Variants in PSMD1 observed in about 807,000 individuals in gnomAD.
PSMD1 encodes proteasome 26S subunit, non-ATPase 1.
Under a neutral mutation model 119.0 loss-of-function variants are expected in PSMD1, and 18 were observed. That is an observed-to-expected ratio of 0.15 (90% CI 0.10 to 0.22). The LOEUF (loss-of-function observed/expected upper bound fraction) is 0.22. Ranked by LOEUF, PSMD1 falls within the 10% of genes least tolerant of loss-of-function variation. The pLI is 1.00. For missense variants in PSMD1, 702 were observed against 1,158.5 expected (o/e 0.61, Z 5.72); for synonymous variants, 374 against 396.6 (o/e 0.94, Z 0.68).
intron 1 of PSMD1, 135 bp from the exon 2 acceptor site, chr2:231,061,132 A>G: frequency 1.7e-6 from 1 of 596,692 alleles, no homozygotes; most frequent in Non-Finnish European, 3.0e-6. Context: ...ACTTTCAAAG[A>G]AAAATAATCA....
chr2:231,139,130 T>C (rs1234150897), intron 17 of PSMD1: 8 of 434,716 alleles, frequency 1.8e-5, no homozygotes, highest in Non-Finnish European at 3.4e-5. Flanking sequence ...TTTTGTTTTT[T>C]TTGTTTGTTT....
At chr2:231,138,178 G>A (rs1696016316) in intron 16 of PSMD1, among the ~76,000 whole-genome samples, 1 of 152,176 alleles carries the variant, frequency 6.6e-6, no homozygotes, top group Admixed American at 6.5e-5. Flanking sequence ...TGCAAATATG[G>A]AGAGAATGAA....
intron 18 of PSMD1, 75 bp downstream of exon 18, chr2:231,146,431 CG>C (rs1696254913): frequency 1.8e-6 from 2 of 1,123,540 alleles, no homozygotes; most frequent in Admixed American, 3.8e-5. Flanking sequence ...CTTTTGAGGA[CG>C]TTTTTTAGTT....
intron 17 of PSMD1, among the ~76,000 whole-genome samples, chr2:231,143,181 C>G (rs555302835): frequency 6.9e-6 from 1 of 144,552 alleles, no homozygotes; most frequent in African/African-American, 2.6e-5. Flanking sequence ...ATTAAAGGAA[C>G]GTTGTGGGTT....
At chr2:231,162,465 A>G (rs945851037) in intron 20 of PSMD1, among the ~76,000 whole-genome samples, 1 of 152,222 alleles carries the variant, frequency 6.6e-6, no homozygotes, top group African/African-American at 2.4e-5. Context: ...CTTTATTGTC[A>G]GAACAAGAAT....
At chr2:231,107,026 G>A (rs1694994001) in intron 16 of PSMD1, among the ~76,000 whole-genome samples, 1 of 152,072 alleles carries the variant, frequency 6.6e-6, no homozygotes, top group South Asian at 2.1e-4. Context: ...TTTAAGGAAT[G>A]TAAATTATTT....
chr2:231,161,565 T>C, intron 20 of PSMD1, 56 bp downstream of exon 20: 2 of 1,484,192 alleles, frequency 1.3e-6, no homozygotes, highest in South Asian at 2.5e-5. Flanking sequence ...ATCTTATTCA[T>C]ATTTACCGCC....
At chr2:231,075,440 A>G (rs1559220354) in intron 7 of PSMD1, 71 bp from the exon 8 acceptor site, 4 of 1,309,828 alleles carry the variant, frequency 3.1e-6, no homozygotes, top group Admixed American at 4.3e-5. Flanking sequence ...CAATTTGGAC[A>G]TGGTTCAGAT....
chr2:231,151,648 C>G (rs1696378291), intron 18 of PSMD1, among the ~76,000 whole-genome samples: 2 of 151,784 alleles, frequency 1.3e-5, no homozygotes, highest in African/African-American at 4.8e-5. Context: ...GTGCTTTGTT[C>G]TATGTTTCTT....
At position 231,158,923 on chromosome 2, in the gene PSMD1, A is replaced by G. The variant is rs572570886; in HGVS notation, c.2219-2417A>G. Among the ~76,000 whole-genome samples, 9 of 152,298 alleles carry G rather than the reference A, an allele frequency of 5.9e-5. No individual in the cohort carries two copies. In the South Asian group the frequency reaches 1.9e-3, roughly 32 times the overall value. On this transcript the variant is annotated intron_variant, in intron 19 of 24. Coordinates refer to ENST00000308696, the MANE Select transcript of PSMD1 (RefSeq NM_002807.4). The stretch of plus-strand genomic sequence containing the variant: ...CATTTCTATTGGAAAAACAAGATTA[A>G]AGTATACCTGGCCTTTTTTTCAGAT...
At chr2:231,058,737 T>A (rs2125147903) in intron 1 of PSMD1, among the ~76,000 whole-genome samples, 1 of 152,214 alleles carries the variant, frequency 6.6e-6, no homozygotes, top group East Asian at 1.9e-4. Flanking sequence ...CACACTGGAC[T>A]TTTTGTTCCT....
chr2:231,149,935 G>A (rs1696335681), intron 18 of PSMD1, among the ~76,000 whole-genome samples: 1 of 152,176 alleles, frequency 6.6e-6, no homozygotes, highest in Non-Finnish European at 1.5e-5. Context: ...GAAGAATACA[G>A]ATAATATTCA....
chr2:231,158,814 C>T (rs941831523), intron 19 of PSMD1, among the ~76,000 whole-genome samples: 2 of 152,152 alleles, frequency 1.3e-5, no homozygotes, highest in Admixed American at 1.3e-4. Context: ...GTATGTTATT[C>T]ACAATCCTCA....
chr2:231,153,101 A>T (rs1413116578), intron 18 of PSMD1, among the ~76,000 whole-genome samples: 1 of 152,180 alleles, frequency 6.6e-6, no homozygotes, highest in African/African-American at 2.4e-5. Flanking sequence ...CTTTATGTGA[A>T]TATACTTCAT....
chr2:231,078,791 CTTTTTTTTTTTTTT>C (rs748353083), intron 10 of PSMD1, 44 bp downstream of exon 10: 11 of 342,880 alleles, frequency 3.2e-5, no homozygotes, highest in Admixed American at 9.1e-5. Flanking sequence ...AAATCTTTTT[CTTTTTTTTTTTTTT>C]TTTTTTTTTT....
Position 231,075,528 on chromosome 2 carries a change from A to G in PSMD1, c.899A>G (p.Glu300Gly). ...SEKDSDSMETEEKTSSAFVGK... is the reference protein window; with the variant it reads ...SEKDSDSMETGEKTSSAFVGK... ...CATTTCAGTGACTCGATGGAAACAG[A>G]AGAAAAGACAAGCAGTGCATTTGTA... The change falls in exon 8 of 25, where the codon GAA becomes GGA. Residue 300 changes from glutamate (E) to glycine (G), a missense_variant. Glu to Gly is a moderately conservative substitution (Grantham distance 98). Transcript: ENST00000308696. 2 of 1,612,810 alleles carry G rather than the reference A, an allele frequency of 1.2e-6. No individual in the cohort carries two copies. The highest frequency in any genetic ancestry group is 2.2e-5 in the South Asian group (2 of 90,674).
Position 231,161,526 on chromosome 2 carries a change from T to C in PSMD1, c.2388+17T>C. The C allele has an allele frequency of 1.2e-6, 2 of 1,602,542 alleles. No homozygotes were observed. The highest frequency in any genetic ancestry group is 1.7e-6 in the Non-Finnish European group (2 of 1,171,992). ...GACTTAAAGGTATGTCTGTGAGACCTCAGCTTTGTAGTATTTCCTGTTCAC... is the reference window on the plus strand; with the variant it reads ...GACTTAAAGGTATGTCTGTGAGACCCCAGCTTTGTAGTATTTCCTGTTCAC... On this transcript the variant is annotated intron_variant, in intron 20 of 24. Transcript: ENST00000308696.
chr2:231,155,339 G>A (rs764346148), intron 19 of PSMD1, among the ~76,000 whole-genome samples: 2 of 152,032 alleles, frequency 1.3e-5, no homozygotes, highest in Non-Finnish European at 2.9e-5. Context: ...GTGTATATTT[G>A]TAGTGAAGGA....
chr2:231,137,154 C>T (rs953443539), intron 16 of PSMD1, among the ~76,000 whole-genome samples: 2 of 149,290 alleles, frequency 1.3e-5, no homozygotes, highest in African/African-American at 2.5e-5. Context: ...GTCTCGCTGT[C>T]TCACCCAGGC....
Sources: gnomAD v4.1 joint callset for allele counts (sites outside exome capture counted in the v4.1 genomes callset) on GRCh38, gnomAD v4.1.1 for gene constraint, MANE v1.5 for transcripts, NCBI Gene and HGNC (gene_info 2026-07-23, HGNC 2026-07-21) for gene names.